LMOD3: variants seen among roughly 807,000 people sequenced by gnomAD.
The protein encoded by LMOD3 is leiomodin-3.
A neutral mutation model predicts 41.8 loss-of-function variants in LMOD3; 31 were observed. The ratio of observed to expected loss-of-function variants is 0.74; its 90% confidence interval spans 0.56 to 1.00. The LOEUF is 1.00. Ranked by LOEUF, LMOD3 falls within the 50% of genes least tolerant of loss-of-function variation. LMOD3 has a pLI of 0.00. For missense variants in LMOD3, 755 were observed against 679.5 expected, an observed-to-expected ratio of 1.11 and a Z score of -1.23; for synonymous variants, 292 against 241.9, an observed-to-expected ratio of 1.21 and a Z score of -1.92.
At position 69,119,002 on chromosome 3, in the gene LMOD3, T is replaced by C. The variant is rs756048205; in HGVS notation, c.1353A>G (p.Pro451=). 1.9e-6 allele frequency: 3 copies of C among 1,613,438 alleles called. No homozygotes were observed. The African/African-American group carries it at 4.0e-5, about 22-fold the overall frequency. Reference sequence around the variant, plus strand: ...CATTTTGGGGGTTGGGAGGCCGAGGTGGCGGTGGCTGGAAGAATTCCTGCA... The same window carrying C: ...CATTTTGGGGGTTGGGAGGCCGAGGCGGCGGTGGCTGGAAGAATTCCTGCA... ...SRMQEFFQPP[P]PRPPNPQNVP... Residue 451 remains proline, a synonymous_variant, in exon 2 of 3, where the codon CCA becomes CCG. Coordinates refer to ENST00000420581, the MANE Select transcript of LMOD3 (RefSeq NM_198271.5).
chr3:69,116,588 A>G (rs2092374480), intron 2 of LMOD3, among the ~76,000 whole-genome samples: 1 of 152,210 alleles, frequency 6.6e-6, no homozygotes, highest in African/African-American at 2.4e-5. Context: ...TGCAATTATC[A>G]TCATGAATTT....
In LMOD3 at chr3:69,122,469, G is replaced by T; in HGVS notation, c.-83C>A. 4 of 1,088,286 alleles carry T rather than the reference G, an allele frequency of 3.7e-6. No individual in the cohort carries two copies. The highest frequency in any genetic ancestry group is 3.4e-5 in the South Asian group (2 of 58,530). 67.4% of individuals were successfully genotyped at this position (1,088,286 alleles called of 1,614,324 possible). Reference sequence around the variant, plus strand: ...AAAGAAGGAAAAAAGCCTCAAGAAGGTCCCCCAGTTAACGAGTGTCCCAAG... The same window carrying T: ...AAAGAAGGAAAAAAGCCTCAAGAAGTTCCCCCAGTTAACGAGTGTCCCAAG... On this transcript the variant is annotated 5_prime_UTR_variant, in exon 1 of 3. Coordinates refer to ENST00000420581, the MANE Select transcript of LMOD3 (RefSeq NM_198271.5).
At chr3:69,120,774 G>T (rs2092403798) in intron 1 of LMOD3, among the ~76,000 whole-genome samples, 1 of 152,010 alleles carries the variant, frequency 6.6e-6, no homozygotes, top group Non-Finnish European at 1.5e-5. Context: ...CTAGGAACCA[G>T]GGCCAGCTGT....
At position 69,109,096 on chromosome 3, in the gene LMOD3, T is replaced by TA. The variant is rs1575869958; in HGVS notation, c.1681dup (p.Ter561LeufsTer8). 3 of 1,600,892 alleles carry TA rather than the reference T, an allele frequency of 1.9e-6. No individual in the cohort carries two copies. Among genetic ancestry groups the TA allele is most frequent in the South Asian group, 1.1e-5 (1 of 88,376 alleles). On this transcript the variant is annotated frameshift_variant and stop_lost, in exon 3 of 3. Transcript: ENST00000420581. LOFTEE classifies it high-confidence loss of function. Reference sequence around the variant, plus strand: ...TCTTCTAGATGGCTCTGTTGCCTCTTACGCCAGTTCTTTTGGCAGTTGCAC... The same window carrying TA: ...TCTTCTAGATGGCTCTGTTGCCTCTTAACGCCAGTTCTTTTGGCAGTTGCAC...
intron 2 of LMOD3, among the ~76,000 whole-genome samples, chr3:69,117,461 A>G (rs1033506254): frequency 6.6e-6 from 1 of 152,210 alleles, no homozygotes; most frequent in African/African-American, 2.4e-5. Flanking sequence ...TCTCGTGGCT[A>G]TATTACAGGA....
chr3:69,109,206 C>A (rs1477732254), intron 2 of LMOD3, 85 bp from the exon 3 acceptor site: 1 of 1,250,892 alleles, frequency 8.0e-7, no homozygotes, highest in Non-Finnish European at 1.1e-6. Flanking sequence ...AATTTACATG[C>A]CTTAAAAGAT....
In LMOD3 at chr3:69,109,203, A is replaced by G; in HGVS notation, c.1657-82T>C. 9 of 1,286,450 alleles carry G rather than the reference A, an allele frequency of 7.0e-6. No individual in the cohort carries two copies. In the South Asian group the frequency reaches 8.9e-5, roughly 13 times the overall value. The allele number at this position is 1,286,450 out of a possible 1,614,324, so 79.7% of individuals were successfully genotyped here. A position where few individuals can be genotyped will look rare whatever the true frequency, so the allele number is the denominator to read the frequency against. On this transcript the variant is annotated intron_variant, in intron 2 of 2. Transcript: ENST00000420581. ...TTGCAGCAAAATTTACAAAATTTAC[A>G]TGCCTTAAAAGATACAGAATAGGTT...
At position 69,122,269 on chromosome 3, in the gene LMOD3, C is replaced by G. The variant is rs1318711844; in HGVS notation, c.118G>C (p.Glu40Gln). Residue 40 changes from glutamate (E) to glutamine (Q), a missense_variant, in exon 1 of 3, where the codon GAA (glutamate) becomes CAA (glutamine). Coordinates refer to ENST00000420581, the MANE Select transcript of LMOD3 (RefSeq NM_198271.5). ...EELKELQSEM[E>Q]VMAPDPSLPV... ...AGGCTGGGGTCAGGGGCCATGACTT[C>G]CATTTCCGACTGCAGTTCTTTCAGT... 6.2e-7 allele frequency: 1 copy of G among 1,613,568 alleles called. No homozygotes were observed. The highest frequency in any genetic ancestry group is 1.7e-5 in the Admixed American group (1 of 59,970).
At chr3:69,118,657 A>G in intron 2 of LMOD3, 42 bp downstream of exon 2, 1 of 1,572,222 alleles carries the variant, frequency 6.4e-7, no homozygotes, top group Non-Finnish European at 8.6e-7. Context: ...TGCATTTACT[A>G]TGGAGGGTGC....
intron 2 of LMOD3, among the ~76,000 whole-genome samples, chr3:69,110,672 G>T (rs2092344817): frequency 1.4e-5 from 2 of 146,700 alleles, no homozygotes; most frequent in Non-Finnish European, 3.0e-5. Flanking sequence ...GTGAAACCCT[G>T]TCTTTACTAA....
intron 2 of LMOD3, 117 bp downstream of exon 2, chr3:69,118,581 TC>T: frequency 8.6e-7 from 1 of 1,167,630 alleles, no homozygotes; most frequent in Non-Finnish European, 1.2e-6. Flanking sequence ...CTCATTGGCT[TC>T]CCCCAGTTGG....
intron 2 of LMOD3, among the ~76,000 whole-genome samples, chr3:69,114,126 T>C (rs1047247761): frequency 6.6e-6 from 1 of 152,206 alleles, no homozygotes; most frequent in Non-Finnish European, 1.5e-5. Flanking sequence ...AGAGGGTCCA[T>C]GAGCATTCTC....
At chr3:69,121,101 A>G (rs1330475700) in intron 1 of LMOD3, among the ~76,000 whole-genome samples, 1 of 152,206 alleles carries the variant, frequency 6.6e-6, no homozygotes, top group Non-Finnish European at 1.5e-5. Flanking sequence ...TGTTCAAGTT[A>G]TACCAGAGGA....
At chr3:69,113,874 GAGGGAT>G (rs902854077) in intron 2 of LMOD3, among the ~76,000 whole-genome samples, 1 of 152,180 alleles carries the variant, frequency 6.6e-6, no homozygotes, top group Non-Finnish European at 1.5e-5. Context: ...ATTTGTCAGG[GAGGGAT>G]AGGCCTATAC....
In LMOD3 at chr3:69,108,661, C is replaced by G. The variant is rs2092333945; in HGVS notation, c.*434G>C. On this transcript the variant is annotated 3_prime_UTR_variant, in exon 3 of 3. Transcript: ENST00000420581. Reference sequence around the variant, plus strand: ...CCATAGGATGAAACATTATTTGTTCCCTTTAAGATACTATGTGATGAATTA... The same window carrying G: ...CCATAGGATGAAACATTATTTGTTCGCTTTAAGATACTATGTGATGAATTA... The G allele has an allele frequency of 6.5e-6, 1 of 154,466 alleles. No individual in the cohort carries two copies. Among genetic ancestry groups the G allele is most frequent in the Non-Finnish European group, 1.4e-5 (1 of 69,556 alleles). 9.6% of individuals were successfully genotyped at this position (154,466 alleles called of 1,614,324 possible).
At chr3:69,112,871 T>A (rs1248434123) in intron 2 of LMOD3, among the ~76,000 whole-genome samples, 1 of 152,254 alleles carries the variant, frequency 6.6e-6, no homozygotes, top group Non-Finnish European at 1.5e-5. Context: ...CAATAACATT[T>A]GAGAATCACT....
At chr3:69,114,843 A>T (rs914259628) in intron 2 of LMOD3, among the ~76,000 whole-genome samples, 5 of 152,008 alleles carry the variant, frequency 3.3e-5, no homozygotes, top group African/African-American at 9.7e-5. Context: ...TACAAAAGTA[A>T]TATTTCCAAA....
At chr3:69,111,320 C>A (rs2092349308) in intron 2 of LMOD3, among the ~76,000 whole-genome samples, 1 of 152,210 alleles carries the variant, frequency 6.6e-6, no homozygotes, top group African/African-American at 2.4e-5. Context: ...TGGCTTCTGA[C>A]CCTCTACCTC....
intron 2 of LMOD3, among the ~76,000 whole-genome samples, chr3:69,113,544 T>A (rs1184322753): frequency 6.6e-6 from 1 of 152,084 alleles, no homozygotes; most frequent in Non-Finnish European, 1.5e-5. Flanking sequence ...TGTCATGGAG[T>A]CTTTTGATGT....
Sources: allele counts gnomAD v4.1 joint callset (sites outside exome capture counted in the v4.1 genomes callset), GRCh38; gene constraint gnomAD v4.1.1; transcripts MANE v1.5; gene names NCBI Gene and HGNC (gene_info 2026-07-23, HGNC 2026-07-21).